Variants in DGKB observed in about 807,000 individuals in gnomAD.
The protein encoded by DGKB is 90 kDa diacylglycerol kinase.
Under a neutral mutation model 114.3 loss-of-function variants are expected in DGKB, and 67 were observed. The ratio of observed to expected loss-of-function variants is 0.59; its 90% confidence interval spans 0.48 to 0.72. DGKB has a LOEUF of 0.72. Among genes scored for constraint, DGKB ranks in the 30% least tolerant of loss-of-function variants. The pLI, the probability that DGKB is intolerant of heterozygous loss-of-function variation, is 0.00. For synonymous variants in DGKB, 398 were observed against 323.1 expected, an observed-to-expected ratio of 1.23 and a Z score of -2.49; for missense variants, 907 against 975.2, an observed-to-expected ratio of 0.93 and a Z score of 0.93.
intron 20 of DGKB, among the ~76,000 whole-genome samples, chr7:14,537,291 T>C (rs1369492553): frequency 3.9e-5 from 6 of 152,166 alleles, no homozygotes. Flanking sequence ...ATATCAAAGA[T>C]ATTTTTATAC....
At chr7:14,586,523 C>T (rs73289513) in intron 17 of DGKB, among the ~76,000 whole-genome samples, 1,795 of 152,182 alleles carry the variant, frequency 0.012, 29 homozygotes, top group African/African-American at 0.035. Flanking sequence ...AAAGGTGGTA[C>T]GCTAAACAAC....
At position 14,418,536 on chromosome 7, in the gene DGKB, T is replaced by A. The variant is rs758472451; in HGVS notation, c.1835+59625A>T. On this transcript the variant is annotated intron_variant, in intron 21 of 25. Coordinates refer to ENST00000402815, the MANE Select transcript of DGKB (RefSeq NM_001350709.2). ...TACAAAGTAACTATCCTACAAATGT[T>A]AGCTGTCATTAGTACTATTAAATAG... is the stretch of plus-strand genomic sequence containing the variant. Among the ~76,000 whole-genome samples the A allele has an allele frequency of 5.9e-5, 9 of 151,668 alleles. No homozygotes were observed. The South Asian group carries it at 1.7e-3, about 28-fold the overall frequency.
intron 21 of DGKB, among the ~76,000 whole-genome samples, chr7:14,468,909 T>C (rs1239335976): frequency 1.3e-5 from 2 of 151,980 alleles, no homozygotes; most frequent in Non-Finnish European, 2.9e-5. Context: ...TGTAAAGTAA[T>C]AATACAAACC....
At chr7:14,654,989 G>A (rs925450459) in intron 13 of DGKB, among the ~76,000 whole-genome samples, 1 of 151,750 alleles carries the variant, frequency 6.6e-6, no homozygotes, top group African/African-American at 2.4e-5. Context: ...TTATGGATAA[G>A]GTTACAAAGG....
intron 1 of DGKB, among the ~76,000 whole-genome samples, chr7:14,894,627 G>C (rs1417457094): frequency 6.6e-6 from 1 of 151,458 alleles, no homozygotes; most frequent in African/African-American, 2.4e-5. Flanking sequence ...TACTGAAAGT[G>C]CTCTTTCACT....
rs145510998 is a variant in DGKB at position 14,294,959 on chromosome 7, G to T, written c.2122+43556C>A. 6.1e-3 allele frequency among the ~76,000 whole-genome samples: 930 copies of T among 152,252 alleles called. 13 individuals carry two copies. Among genetic ancestry groups the T allele is most frequent in the African/African-American group, 0.021 (887 of 41,562 alleles). On this transcript the variant is annotated intron_variant, in intron 23 of 25. Transcript: ENST00000402815. ...ACCTAATGCAGTCTAAATTAGAAAGGTTCCCGAAATTTTTCCAAATGGAGA... is the reference window on the plus strand; with the variant it reads ...ACCTAATGCAGTCTAAATTAGAAAGTTTCCCGAAATTTTTCCAAATGGAGA...
At chr7:14,660,872 C>T (rs1218607801) in intron 13 of DGKB, among the ~76,000 whole-genome samples, 3 of 151,932 alleles carry the variant, frequency 2.0e-5, no homozygotes, top group Non-Finnish European at 4.4e-5. Flanking sequence ...ATCAATGGAA[C>T]AGAACAGAAC....
intron 2 of DGKB, among the ~76,000 whole-genome samples, chr7:14,821,533 T>TA (rs1277790166): frequency 1.3e-4 from 19 of 152,000 alleles, no homozygotes; most frequent in African/African-American, 4.3e-4. Context: ...TTGGGAAAAA[T>TA]AAAAATAAAA....
chr7:14,836,178 C>G (rs1315352544), intron 2 of DGKB, among the ~76,000 whole-genome samples: 1 of 152,166 alleles, frequency 6.6e-6, no homozygotes, highest in African/African-American at 2.4e-5. Context: ...GCTCTTTCCA[C>G]TAAGTCACAC....
intron 14 of DGKB, among the ~76,000 whole-genome samples, chr7:14,625,627 T>C (rs1166282449): frequency 6.6e-6 from 1 of 152,192 alleles, no homozygotes; most frequent in African/African-American, 2.4e-5. Flanking sequence ...TTTCTTTCTT[T>C]AAGTTTTGGG....
chr7:14,189,098 A>C (rs2128267066), intron 23 of DGKB, among the ~76,000 whole-genome samples: 1 of 152,324 alleles, frequency 6.6e-6, no homozygotes, highest in Admixed American at 6.5e-5. Context: ...GAAAGTATAA[A>C]ACTCACCGTA....
At chr7:14,369,543 TAA>T (rs1379062376) in intron 21 of DGKB, among the ~76,000 whole-genome samples, 1 of 152,190 alleles carries the variant, frequency 6.6e-6, no homozygotes, top group Non-Finnish European at 1.5e-5. Context: ...ACCAATATTG[TAA>T]AAGTGTTCCT....
chr7:14,415,450 G>A (rs923627308), intron 21 of DGKB, among the ~76,000 whole-genome samples: 3 of 150,858 alleles, frequency 2.0e-5, no homozygotes, highest in African/African-American at 7.3e-5. Flanking sequence ...GCCCCAGTGT[G>A]TGATGTTCCC....
intron 21 of DGKB, among the ~76,000 whole-genome samples, chr7:14,420,552 G>A (rs1221592266): frequency 6.6e-6 from 1 of 151,914 alleles, no homozygotes; most frequent in African/African-American, 2.4e-5. Context: ...TACTTCTGAA[G>A]TGAAAAATAA....
chr7:14,677,704 G>T (rs1451875854), intron 12 of DGKB, among the ~76,000 whole-genome samples: 2 of 151,952 alleles, frequency 1.3e-5, no homozygotes, highest in East Asian at 3.9e-4. Context: ...CAGAAGAAAT[G>T]AACAGGTATA....
intron 5 of DGKB, among the ~76,000 whole-genome samples, chr7:14,729,261 T>G (rs1016752611): frequency 2.2e-4 from 33 of 149,062 alleles, no homozygotes; most frequent in African/African-American, 8.2e-4. Flanking sequence ...TAGCTGGGAC[T>G]ACAGGCGCCT....
intron 20 of DGKB, among the ~76,000 whole-genome samples, chr7:14,497,791 G>C (rs1785519676): frequency 1.3e-5 from 2 of 152,010 alleles, no homozygotes; most frequent in African/African-American, 2.4e-5. Flanking sequence ...GGTGGGTTCA[G>C]CTGGTATTTG....
At chr7:14,556,491 G>T (rs1173319216) in intron 20 of DGKB, among the ~76,000 whole-genome samples, 1 of 151,906 alleles carries the variant, frequency 6.6e-6, no homozygotes, top group Admixed American at 6.6e-5. Context: ...GACTGACATA[G>T]TGAGAGAAGA....
chr7:14,377,477 G>C (rs1304762594), intron 21 of DGKB, among the ~76,000 whole-genome samples: 1 of 152,096 alleles, frequency 6.6e-6, no homozygotes, highest in Non-Finnish European at 1.5e-5. Flanking sequence ...TTAAAGTATG[G>C]ACTTTCTTTT....
Sources: gnomAD v4.1 joint callset for allele counts (sites outside exome capture counted in the v4.1 genomes callset) on GRCh38, gnomAD v4.1.1 for gene constraint, MANE v1.5 for transcripts, NCBI Gene and HGNC (gene_info 2026-07-23, HGNC 2026-07-21) for gene names.